ERBB4: variants seen among roughly 807,000 people sequenced by gnomAD.
ERBB4 encodes the protein erb-b2 receptor tyrosine kinase 4, also known as receptor tyrosine-protein kinase erbB-4.
ERBB4 carries 42 observed loss-of-function variants against 158.0 expected under a neutral mutation model. That is an observed-to-expected ratio of 0.27 (90% CI 0.21 to 0.34). The LOEUF is 0.34. ERBB4 is among the 10% of genes least tolerant of loss of function. The pLI is 1.00. For synonymous variants in ERBB4, 583 were observed against 558.7 expected (o/e 1.04, Z -0.61); for missense variants, 1,333 against 1,624.1 (o/e 0.82, Z 3.08).
At chr2:212,188,251 CCTCCCTCCCTCCCTCTTCT>C (rs2082086788) in intron 1 of ERBB4, among the ~76,000 whole-genome samples, 4 of 76,478 alleles carry the variant, frequency 5.2e-5, no homozygotes, top group East Asian at 6.6e-4. Flanking sequence ...CCTCTCACCC[CCTCCCTCCCTCCCTCTTCT>C]CTCCCTCCCT....
chr2:211,879,890 C>T (rs1297020624), intron 3 of ERBB4, among the ~76,000 whole-genome samples: 1 of 151,470 alleles, frequency 6.6e-6, no homozygotes, highest in Non-Finnish European at 1.5e-5. Context: ...AGGAAGAGAA[C>T]AAAACATGCA....
intron 1 of ERBB4, among the ~76,000 whole-genome samples, chr2:212,471,481 C>T (rs1011269504): frequency 2.6e-5 from 4 of 151,704 alleles, no homozygotes; most frequent in African/African-American, 7.3e-5. Flanking sequence ...ACCAATAAAT[C>T]GAGATCTCTG....
chr2:212,003,185 G>GAAAAGAAAGA (rs1166235521), intron 2 of ERBB4, among the ~76,000 whole-genome samples: 8 of 66,398 alleles, frequency 1.2e-4, no homozygotes, highest in South Asian at 5.9e-4. Context: ...AAGAAAGAAA[G>GAAAAGAAAGA]AAAGAAAGAA....
At chr2:212,290,003 A>T (rs2086146333) in intron 1 of ERBB4, among the ~76,000 whole-genome samples, 1 of 152,156 alleles carries the variant, frequency 6.6e-6, no homozygotes, top group Non-Finnish European at 1.5e-5. Flanking sequence ...TTTATTATAA[A>T]AATGTCATAT....
At chr2:212,058,541 A>G (rs1018836460) in intron 2 of ERBB4, among the ~76,000 whole-genome samples, 1 of 152,242 alleles carries the variant, frequency 6.6e-6, no homozygotes, top group African/African-American at 2.4e-5. Flanking sequence ...AAAATCCTCA[A>G]TAAAATACTG....
chr2:212,170,975 A>T (rs2081499716), intron 1 of ERBB4, among the ~76,000 whole-genome samples: 1 of 152,092 alleles, frequency 6.6e-6, no homozygotes, highest in Admixed American at 6.5e-5. Flanking sequence ...ACCATCCTCC[A>T]GGCCCAAGAA....
chr2:212,319,273 T>A (rs971751780), intron 1 of ERBB4, among the ~76,000 whole-genome samples: 3 of 138,346 alleles, frequency 2.2e-5, no homozygotes, highest in Non-Finnish European at 5.1e-5. Context: ...AAGGAACAAA[T>A]ACACCCACCT....
chr2:211,663,864 T>C (rs899394396), intron 15 of ERBB4, among the ~76,000 whole-genome samples: 3 of 152,212 alleles, frequency 2.0e-5, no homozygotes, highest in Non-Finnish European at 4.4e-5. Flanking sequence ...TTTCTGTTGC[T>C]GACTCTTTCT....
intron 20 of ERBB4, among the ~76,000 whole-genome samples, chr2:211,492,787 T>C (rs2065377140): frequency 6.6e-6 from 1 of 152,052 alleles, no homozygotes; most frequent in Non-Finnish European, 1.5e-5. Context: ...GCGGTAATAA[T>C]AACATTAGAA....
chr2:212,051,472 A>C (rs1356970326), intron 2 of ERBB4, among the ~76,000 whole-genome samples: 1 of 152,136 alleles, frequency 6.6e-6, no homozygotes, highest in Non-Finnish European at 1.5e-5. Context: ...GCATTTAAAG[A>C]ATAATTTTTA....
At chr2:212,433,681 A>G (rs563076279) in intron 1 of ERBB4, among the ~76,000 whole-genome samples, 11 of 152,094 alleles carry the variant, frequency 7.2e-5, no homozygotes, top group African/African-American at 2.4e-4. Context: ...CTATATACAC[A>G]TCGTTGGTAG....
At chr2:211,768,224 T>C (rs922133131) in intron 4 of ERBB4, among the ~76,000 whole-genome samples, 1 of 152,192 alleles carries the variant, frequency 6.6e-6, no homozygotes, top group African/African-American at 2.4e-5. Context: ...AGGTGGGCTC[T>C]GAAGGCCTTG....
chr2:211,513,357 C>CA (rs61042785), intron 20 of ERBB4, among the ~76,000 whole-genome samples: 5,351 of 38,230 alleles, frequency 0.14, 358 homozygotes, highest in East Asian at 0.32. Flanking sequence ...GACTCCGTCT[C>CA]AAAAAAAAAA....
intron 1 of ERBB4, among the ~76,000 whole-genome samples, chr2:212,146,845 G>C (rs1211519426): frequency 6.6e-6 from 1 of 151,994 alleles, no homozygotes; most frequent in Non-Finnish European, 1.5e-5. Flanking sequence ...TTCCCACCCA[G>C]TTATCCCTTA....
chr2:212,406,680 G>A (rs1370980023), intron 1 of ERBB4, among the ~76,000 whole-genome samples: 1 of 152,062 alleles, frequency 6.6e-6, no homozygotes, highest in Non-Finnish European at 1.5e-5. Context: ...GAGACTCATC[G>A]TTGACTGGGA....
At chr2:212,010,030 G>A (rs1281261994) in intron 2 of ERBB4, among the ~76,000 whole-genome samples, 1 of 152,026 alleles carries the variant, frequency 6.6e-6, no homozygotes, top group Admixed American at 6.6e-5. Context: ...TGTTAACAGG[G>A]CAAATTTTAC....
At chr2:211,713,682 T>A (rs1470278367) in intron 7 of ERBB4, 34 bp from the exon 8 acceptor site, 5 of 1,273,272 alleles carry the variant, frequency 3.9e-6, no homozygotes, top group Non-Finnish European at 5.7e-6. Flanking sequence ...AAAATAAGCA[T>A]TAATGTTAAC....
At chr2:211,750,288 T>C (rs2075094895) in intron 5 of ERBB4, among the ~76,000 whole-genome samples, 1 of 152,166 alleles carries the variant, frequency 6.6e-6, no homozygotes, top group Non-Finnish European at 1.5e-5. Flanking sequence ...AAATAACTAG[T>C]TAATGAAAGG....
chr2:211,652,222 C>G (rs1014211584), intron 16 of ERBB4, among the ~76,000 whole-genome samples: 3 of 152,280 alleles, frequency 2.0e-5, no homozygotes, highest in African/African-American at 7.2e-5. Context: ...TATTTTATGG[C>G]TACTGGGAAG....
Sources: gnomAD v4.1 joint callset for allele counts (sites outside exome capture counted in the v4.1 genomes callset) on GRCh38, gnomAD v4.1.1 for gene constraint, MANE v1.5 for transcripts, NCBI Gene and HGNC (gene_info 2026-07-23, HGNC 2026-07-21) for gene names.